Variants in TPST1 observed in about 807,000 individuals in gnomAD.
The protein encoded by TPST1 is protein-tyrosine sulfotransferase 1.
Under a neutral mutation model 34.8 loss-of-function variants are expected in TPST1, and 20 were observed. The ratio of observed to expected loss-of-function variants is 0.57; its 90% confidence interval spans 0.40 to 0.84. The LOEUF (loss-of-function observed/expected upper bound fraction) is 0.84. Ranked by LOEUF, TPST1 falls within the 40% of genes least tolerant of loss-of-function variation. The pLI is 0.00. For synonymous variants in TPST1, 152 were observed against 159.4 expected, an observed-to-expected ratio of 0.95 and a Z score of 0.35; for missense variants, 353 against 455.5, an observed-to-expected ratio of 0.78 and a Z score of 2.05.
intron 1 of TPST1, among the ~76,000 whole-genome samples, chr7:66,216,555 C>T (rs942106369): frequency 1.2e-4 from 18 of 151,910 alleles, no homozygotes; most frequent in African/African-American, 4.4e-4. Context: ...CTGCAGCCTC[C>T]ACCTCCCAGG....
intron 2 of TPST1, among the ~76,000 whole-genome samples, chr7:66,249,230 T>G (rs1790214696): frequency 6.6e-6 from 1 of 152,112 alleles, no homozygotes; most frequent in African/African-American, 2.4e-5. Context: ...TTTTTAAGAT[T>G]TAAAATGTAA....
Position 66,240,545 on chromosome 7 carries a change from G to T in TPST1, c.120G>T (p.Gln40His), listed in dbSNP as rs373665203. Residue 40 changes from glutamine to histidine, a missense_variant, in exon 2 of 6, where the codon CAG becomes CAT. Coordinates refer to ENST00000304842, the MANE Select transcript of TPST1 (RefSeq NM_003596.4). Reference protein sequence around the residue: ...ECHHRIEERSQPVKLESTRTT... With the variant: ...ECHHRIEERSHPVKLESTRTT... The stretch of plus-strand genomic sequence containing the variant: ...ATCACCGGATAGAGGAACGTAGCCA[G>T]CCAGTCAAATTGGAGAGCACAAGGA... 6.2e-7 allele frequency: 1 copy of T among 1,614,102 alleles called. No individual in the cohort carries two copies. The highest frequency in any genetic ancestry group is 1.3e-5 in the African/African-American group (1 of 74,948).
At chr7:66,241,820 A>G (rs1323282325) in intron 2 of TPST1, among the ~76,000 whole-genome samples, 2 of 152,248 alleles carry the variant, frequency 1.3e-5, no homozygotes, top group African/African-American at 4.8e-5. Flanking sequence ...TCACAGTAAG[A>G]TTAAAACGAT....
chr7:66,311,012 A>G (rs1301524488), intron 3 of TPST1, among the ~76,000 whole-genome samples: 1 of 152,086 alleles, frequency 6.6e-6, no homozygotes, highest in East Asian at 1.9e-4. Flanking sequence ...ATTTTAGTTA[A>G]AGAAATTCTT....
At chr7:66,228,719 A>G (rs980999371) in intron 1 of TPST1, among the ~76,000 whole-genome samples, 4 of 152,162 alleles carry the variant, frequency 2.6e-5, no homozygotes, top group Non-Finnish European at 5.9e-5. Flanking sequence ...GACTTTTTCT[A>G]GGATCATTCC....
Position 66,297,107 on chromosome 7 carries a change from C to T in TPST1, c.1044+10398C>T, listed in dbSNP as rs893647196. ...CTATTAGCCACAATTTCAGTGGATG[C>T]ATGTGTGCCAGAAGCCTGACAGATT... On this transcript the variant is annotated intron_variant, in intron 3 of 5. Transcript: ENST00000304842. Among the ~76,000 whole-genome samples the T allele has an allele frequency of 2.6e-5, 4 of 152,150 alleles. No individual in the cohort carries two copies. The East Asian group carries it at 7.7e-4, about 29-fold the overall frequency.
intron 3 of TPST1, among the ~76,000 whole-genome samples, chr7:66,340,115 C>A (rs1335575540): frequency 6.6e-6 from 1 of 151,976 alleles, no homozygotes; most frequent in Non-Finnish European, 1.5e-5. Flanking sequence ...GTGAGTGGAT[C>A]CCTTGAAGTC....
chr7:66,239,805 T>C (rs1245565623), intron 1 of TPST1, among the ~76,000 whole-genome samples: 1 of 152,250 alleles, frequency 6.6e-6, no homozygotes, highest in Admixed American at 6.5e-5. Flanking sequence ...TAAACATTGA[T>C]TTATTTTTAC....
At chr7:66,239,242 A>G (rs754403187) in intron 1 of TPST1, among the ~76,000 whole-genome samples, 2 of 152,112 alleles carry the variant, frequency 1.3e-5, no homozygotes, top group Non-Finnish European at 2.9e-5. Context: ...CGGTCTCCCA[A>G]AGAGCTGTGA....
chr7:66,250,000 G>T lies in TPST1; in HGVS notation c.845+8730G>T, dbSNP rs189480386. ...GATACTTTGAAGCTGGCTAGACTTT[G>T]TTTAAAGTCTTTCATTGACACTAAC... is the stretch of plus-strand genomic sequence containing the variant. On this transcript the variant is annotated intron_variant, in intron 2 of 5. Transcript: ENST00000304842. Among the ~76,000 whole-genome samples the T allele has an allele frequency of 2.1e-3, 325 of 152,298 alleles. 2 individuals are homozygous for T. Among genetic ancestry groups the T allele is most frequent in the African/African-American group, 7.6e-3 (318 of 41,578 alleles).
chr7:66,253,402 A>G (rs1200124833), intron 2 of TPST1, among the ~76,000 whole-genome samples: 1 of 138,270 alleles, frequency 7.2e-6, no homozygotes, highest in African/African-American at 2.7e-5. Flanking sequence ...ACAGAGTCTC[A>G]CTCTGTTGCC....
intron 3 of TPST1, among the ~76,000 whole-genome samples, chr7:66,328,669 T>G (rs1791920936): frequency 6.6e-6 from 1 of 150,484 alleles, no homozygotes; most frequent in African/African-American, 2.4e-5. Flanking sequence ...CTAAACCTCC[T>G]GAGAAGTTGG....
At chr7:66,309,012 C>G (rs184665816) in intron 3 of TPST1, among the ~76,000 whole-genome samples, 4 of 152,318 alleles carry the variant, frequency 2.6e-5, no homozygotes, top group African/African-American at 7.2e-5. Flanking sequence ...ACTTCTCCTG[C>G]TCAGTCTCCT....
chr7:66,286,604 C>A lies in TPST1; in HGVS notation c.939C>A (p.Asp313Glu), dbSNP rs776257782. 6.2e-7 allele frequency: 1 copy of A among 1,610,480 alleles called. No individual in the cohort carries two copies. Among genetic ancestry groups the A allele is most frequent in the Admixed American group, 1.7e-5 (1 of 59,712 alleles). The stretch of plus-strand genomic sequence containing the variant: ...AGATACCGCCAGATGTTTTACAAGA[C>A]ATGGCAGTGATTGCTCCTATGCTTG... The part of the protein sequence containing the change: ...VGKIPPDVLQ[D>E]MAVIAPMLAK... Residue 313 changes from aspartate to glutamate, a missense_variant, in exon 3 of 6, where the codon GAC becomes GAA. Transcript: ENST00000304842.
intron 1 of TPST1, among the ~76,000 whole-genome samples, chr7:66,230,399 G>A (rs918002551): frequency 6.6e-6 from 1 of 152,244 alleles, no homozygotes; most frequent in East Asian, 1.9e-4. Flanking sequence ...GACCCTCGCG[G>A]TGAGCGTTAA....
chr7:66,230,836 G>A (rs199853557), intron 1 of TPST1, among the ~76,000 whole-genome samples: 1 of 152,262 alleles, frequency 6.6e-6, no homozygotes, highest in Non-Finnish European at 1.5e-5. Context: ...GGTCTGTTTT[G>A]ACAGGGCGCT....
intron 2 of TPST1, among the ~76,000 whole-genome samples, chr7:66,276,387 T>G (rs1355332620): frequency 6.9e-6 from 1 of 144,696 alleles, no homozygotes; most frequent in Non-Finnish European, 1.5e-5. Flanking sequence ...TATATGTATT[T>G]TTTTGAGGCA....
At chr7:66,223,866 A>G (rs1395204544) in intron 1 of TPST1, among the ~76,000 whole-genome samples, 1 of 152,224 alleles carries the variant, frequency 6.6e-6, no homozygotes, top group Non-Finnish European at 1.5e-5. Context: ...ATATTTCTGA[A>G]GCAAAGCCGA....
At chr7:66,281,661 C>T (rs1742500883) in intron 2 of TPST1, among the ~76,000 whole-genome samples, 1 of 152,166 alleles carries the variant, frequency 6.6e-6, no homozygotes. Flanking sequence ...ACATGTTTTA[C>T]TGTAATAAAC....
Sources: allele counts gnomAD v4.1 joint callset (sites outside exome capture counted in the v4.1 genomes callset), GRCh38; gene constraint gnomAD v4.1.1; transcripts MANE v1.5; gene names NCBI Gene and HGNC (gene_info 2026-07-23, HGNC 2026-07-21).